ZCCHC14: variants seen among roughly 807,000 people sequenced by gnomAD.
The protein encoded by ZCCHC14 is zinc finger CCHC domain-containing protein 14.
In ZCCHC14, 16 loss-of-function variants were observed where a neutral mutation model predicts 85.0. The ratio of observed to expected loss-of-function variants is 0.19; its 90% CI spans 0.13 to 0.29. ZCCHC14 has a LOEUF of 0.29. ZCCHC14 is among the 10% of genes least tolerant of loss of function. The probability of loss-of-function intolerance (pLI) is 1.00; values close to 1 mark genes in which losing one functional copy is unlikely to be tolerated. For missense variants in ZCCHC14, 1,303 were observed against 1,443.5 expected (o/e 0.90, Z 1.58); for synonymous variants, 775 against 630.7 (o/e 1.23, Z -3.43).
Position 87,413,107 on chromosome 16 carries a change from C to A in ZCCHC14, c.1692G>T (p.Met564Ile). 1 of 1,613,988 alleles carries A rather than the reference C, an allele frequency of 6.2e-7. No individual in the cohort carries two copies. Among genetic ancestry groups the A allele is most frequent in the Non-Finnish European group, 8.5e-7 (1 of 1,179,980 alleles). ...SEYSSSSSSP[M>I]GVQAREESSD... ...AGCTCTCTTCCCGGGCCTGTACCCC[C>A]ATGGGGCTGGAGGAGGAGCTGGAGT... Residue 564 changes from methionine (M) to isoleucine (I), a missense_variant, in exon 11 of 13, where the codon ATG (methionine) becomes ATT (isoleucine). Transcript: ENST00000671377.
chr16:87,423,683 G>A (rs1369530637), intron 4 of ZCCHC14, 127 bp downstream of exon 4: 2 of 1,034,484 alleles, frequency 1.9e-6, no homozygotes, highest in African/African-American at 1.6e-5. Context: ...GGCTGGGCAG[G>A]AGGCCCCGCC....
chr16:87,411,272 G>C, intron 12 of ZCCHC14: 1 of 1,173,396 alleles, frequency 8.5e-7, no homozygotes, highest in Admixed American at 2.8e-5. Context: ...GGGAGGCCCT[G>C]TCCACACTGG....
chr16:87,474,992 G>A (rs1666731926), intron 1 of ZCCHC14, among the ~76,000 whole-genome samples: 1 of 152,234 alleles, frequency 6.6e-6, no homozygotes, highest in Admixed American at 6.5e-5. Flanking sequence ...CAGGAGGATA[G>A]AACGAAGTCC....
At chr16:87,418,934 T>G in intron 6 of ZCCHC14, 33 bp from the exon 7 acceptor site, 2 of 1,545,682 alleles carry the variant, frequency 1.3e-6, no homozygotes, top group Non-Finnish European at 1.8e-6. Flanking sequence ...CATAAAAATT[T>G]ACAGACAATG....
chr16:87,412,808 G>C lies in ZCCHC14; in HGVS notation c.1913C>G (p.Ala638Gly). 1 of 1,611,942 alleles carries C rather than the reference G, an allele frequency of 6.2e-7. No individual in the cohort carries two copies. Among genetic ancestry groups the C allele is most frequent in the South Asian group, 1.1e-5 (1 of 90,890 alleles). ...HPLPPQMLSAASHITPIRMLN... is the reference protein window; with the variant it reads ...HPLPPQMLSAGSHITPIRMLN... ...CATGCGGATGGGTGTGATGTGTGAG[G>C]CTGCGCTCAGCATCTGCGGGGGCAG... is the stretch of plus-strand genomic sequence containing the variant. Residue 638 changes from alanine (A) to glycine (G), a missense_variant, in exon 12 of 13, where the codon GCC (alanine) becomes GGC (glycine). Around this residue, in one of 7 missense-constraint regions of ZCCHC14, gnomAD observed 797 missense variants for 730.8 expected, o/e 1.09. Coordinates refer to ENST00000671377, the MANE Select transcript of ZCCHC14 (RefSeq NM_015144.3).
rs773917219 is a variant in ZCCHC14, at chr16:87,419,893, G to A, written c.951-16C>T. On this transcript the variant is annotated splice_polypyrimidine_tract_variant and intron_variant, in intron 5 of 12. Transcript: ENST00000671377. The stretch of plus-strand genomic sequence containing the variant: ...GGCCAGGTACCTAAAAGGCAAACAA[G>A]TGGTCTTATCAACATTAAAATGGCA... 1.1e-4 allele frequency: 178 copies of A among 1,590,146 alleles called. No individual in the cohort carries two copies. In the South Asian group the frequency reaches 2.0e-3, roughly 18 times the overall value.
At chr16:87,467,026 T>C in intron 1 of ZCCHC14, 2 of 435,084 alleles carry the variant, frequency 4.6e-6, no homozygotes, top group South Asian at 2.6e-5. Flanking sequence ...TCACGTGTTT[T>C]TCATGAAAAA....
rs531360573 is a variant in ZCCHC14 at position 87,450,493 on chromosome 16, T to A, written c.694+9515A>T. Among the ~76,000 whole-genome samples the A allele has an allele frequency of 1.8e-4, 28 of 152,344 alleles. No individual in the cohort carries two copies. In the South Asian group the frequency reaches 5.6e-3, roughly 30 times the overall value. Reference sequence around the variant, plus strand: ...TTATTATCTAGCTACATTGCATTAATTTCATTTGTTAGTTCTTCACAAAGA... The same window carrying A: ...TTATTATCTAGCTACATTGCATTAAATTCATTTGTTAGTTCTTCACAAAGA... On this transcript the variant is annotated intron_variant, in intron 2 of 12. Coordinates refer to ENST00000671377, the MANE Select transcript of ZCCHC14 (RefSeq NM_015144.3).
intron 2 of ZCCHC14, among the ~76,000 whole-genome samples, chr16:87,455,355 G>A (rs1597434119): frequency 6.6e-6 from 1 of 152,008 alleles, no homozygotes; most frequent in African/African-American, 2.4e-5. Flanking sequence ...CCATGAGCTG[G>A]CCTCGGCACC....
At chr16:87,471,326 G>A (rs995159696) in intron 1 of ZCCHC14, 6 of 152,338 alleles carry the variant, frequency 3.9e-5, no homozygotes, top group African/African-American at 1.4e-4. Flanking sequence ...AAGAGTGAAA[G>A]CTATTTGCTG....
In ZCCHC14 at chr16:87,429,519, G is replaced by C. The variant is rs1043307553; in HGVS notation, c.768+3609C>G. On this transcript the variant is annotated intron_variant, in intron 3 of 12. Transcript: ENST00000671377. ...TAAGAAGCAGCAACTTGTTGGGCAT[G>C]GCGGCTCATGCCAGCAACCTAGGCG... Among the ~76,000 whole-genome samples the C allele has an allele frequency of 2.8e-4, 43 of 152,138 alleles. 1 individual carries two copies. Among genetic ancestry groups the C allele is most frequent in the African/African-American group, 9.9e-4 (41 of 41,418 alleles).
At position 87,460,100 on chromosome 16, in the gene ZCCHC14, C is replaced by G. The variant is rs145613917; in HGVS notation, c.602G>C (p.Ser201Thr). 37 of 1,614,040 alleles carry G rather than the reference C, an allele frequency of 2.3e-5. 1 individual carries two copies. The African/African-American group carries it at 4.8e-4, about 21-fold the overall frequency. ...ITPRTEAPVS[S>T]VSNSLENALH... ...GGCATTCTCCAAACTATTACTGACA[C>G]TGCTGACAGGGGCCTCAGTTCTTGG... The change falls in exon 2 of 13, where the codon AGT (serine) becomes ACT (threonine). Residue 201 changes from serine (S) to threonine (T), a missense_variant. Around this residue, in one of 7 missense-constraint regions of ZCCHC14, gnomAD observed 389 missense variants for 397.8 expected, o/e 0.98. Coordinates refer to ENST00000671377, the MANE Select transcript of ZCCHC14 (RefSeq NM_015144.3).
At chr16:87,479,383 C>A (rs1912165355) in intron 1 of ZCCHC14, among the ~76,000 whole-genome samples, 1 of 150,074 alleles carries the variant, frequency 6.7e-6, no homozygotes, top group Non-Finnish European at 1.5e-5. Flanking sequence ...CACCATTGCA[C>A]TCCAGCCTGG....
intron 1 of ZCCHC14, among the ~76,000 whole-genome samples, chr16:87,476,526 G>A (rs9921910): frequency 0.32 from 47,909 of 151,714 alleles, 11,262 homozygotes; most frequent in African/African-American, 0.65. Flanking sequence ...TGCACAAGGC[G>A]GGGTACGGTA....
chr16:87,444,824 G>C (rs954048843), intron 2 of ZCCHC14, among the ~76,000 whole-genome samples: 2 of 152,134 alleles, frequency 1.3e-5, no homozygotes, highest in South Asian at 4.2e-4. Flanking sequence ...TGATCCTCTG[G>C]GTATAAAAGG....
intron 1 of ZCCHC14, among the ~76,000 whole-genome samples, chr16:87,487,617 G>A (rs1254289559): frequency 6.6e-6 from 1 of 152,258 alleles, no homozygotes; most frequent in South Asian, 2.1e-4. Context: ...ACCGACACGT[G>A]CGCCAGCGGT....
rs769640816 is a variant in ZCCHC14 at position 87,411,779 on chromosome 16, C to A, written c.2942G>T (p.Gly981Val). Residue 981 changes from glycine to valine, a missense_variant, in exon 12 of 13, where the codon GGC becomes GTC. Coordinates refer to ENST00000671377, the MANE Select transcript of ZCCHC14 (RefSeq NM_015144.3). ...GYVSAQQYGG[G>V]STFPVVHAPY... ...GGCGTGCACGACGGGGAAGGTGGAG[C>A]CGCCGCCGTACTGCTGGGCGCTGAC... 2 of 1,610,872 alleles carry A rather than the reference C, an allele frequency of 1.2e-6. No individual in the cohort carries two copies. Among genetic ancestry groups the A allele is most frequent in the South Asian group, 1.1e-5 (1 of 90,970 alleles).
chr16:87,438,015 C>T (rs1204745257), intron 2 of ZCCHC14, among the ~76,000 whole-genome samples: 1 of 152,258 alleles, frequency 6.6e-6, no homozygotes, highest in Non-Finnish European at 1.5e-5. Flanking sequence ...CATCTCACAC[C>T]TGCTGCTGGC....
chr16:87,417,831 T>C, intron 7 of ZCCHC14, 89 bp from the exon 8 acceptor site: 7 of 1,415,100 alleles, frequency 4.9e-6, no homozygotes, highest in Non-Finnish European at 6.5e-6. Flanking sequence ...GGCCTTTCTG[T>C]GCCAGCCTCT....
Sources: gnomAD v4.1 joint callset for allele counts (sites outside exome capture counted in the v4.1 genomes callset) on GRCh38, gnomAD v4.1.1 for gene constraint, gnomAD v4.1.1 regional missense constraint, MANE v1.5 for transcripts, NCBI Gene and HGNC (gene_info 2026-07-23, HGNC 2026-07-21) for gene names.